Variants in LRRC37A observed in about 807,000 individuals in gnomAD.
The protein encoded by LRRC37A is leucine-rich repeat-containing protein 37A.
LRRC37A carries 3 observed loss-of-function variants against 35.4 expected under a neutral mutation model. The observed-to-expected ratio is 0.08, with a 90% CI of 0.04 to 0.22. The LOEUF is 0.22. Among genes scored for constraint, LRRC37A ranks in the 10% least tolerant of loss-of-function variants. LRRC37A has a pLI of 1.00. For synonymous variants in LRRC37A, 23 were observed against 215.0 expected (o/e 0.11, Z 7.81); for missense variants, 67 against 565.3 (o/e 0.12, Z 8.94).
chr17:46,267,107 C>A, the LRRC37A span: 1 of 410,982 alleles, frequency 2.4e-6, no homozygotes, highest in South Asian at 5.8e-5. Flanking sequence ...TTGCGCTTGC[C>A]GGGCGGGCAT....
chr17:46,261,886 T>C, the LRRC37A span, among the ~76,000 whole-genome samples: 1 of 152,184 alleles, frequency 6.6e-6, no homozygotes, highest in East Asian at 1.9e-4. Flanking sequence ...TAAAAATATT[T>C]TCCCCTTAAA....
At chr17:46,257,652 TAAAAAA>T in the LRRC37A span, among the ~76,000 whole-genome samples, 1 of 135,858 alleles carries the variant, frequency 7.4e-6, no homozygotes, top group Non-Finnish European at 1.6e-5. Flanking sequence ...TGTTTCTACT[TAAAAAA>T]AAAAAAAAAA....
At chr17:46,279,462 G>A in the LRRC37A span, among the ~76,000 whole-genome samples, 1 of 150,896 alleles carries the variant, frequency 6.6e-6, no homozygotes, top group African/African-American at 2.4e-5. Flanking sequence ...GGGATTACAG[G>A]CATGAGCCAC....
the LRRC37A span, among the ~76,000 whole-genome samples, chr17:46,263,684 G>A: frequency 2.5e-4 from 37 of 148,750 alleles, no homozygotes; most frequent in Middle Eastern, 6.9e-3. Context: ...GAGAAACCCC[G>A]TCTCTGCCAA....
chr17:46,291,969 C>CAA (rs59554870), upstream of LRRC37A, among the ~76,000 whole-genome samples: 13 of 58,084 alleles, frequency 2.2e-4, no homozygotes, highest in African/African-American at 7.9e-4. Context: ...TCTCAAAAAG[C>CAA]AAAAAAAAAA....
At chr17:46,267,602 CG>C in the LRRC37A span, 8 of 1,585,412 alleles carry the variant, frequency 5.0e-6, no homozygotes, top group Non-Finnish European at 6.9e-6. Flanking sequence ...GGCTGTGGGT[CG>C]TCCAGTCTTT....
chr17:46,267,301 C>T, the LRRC37A span: 8 of 1,345,928 alleles, frequency 5.9e-6, no homozygotes, highest in Non-Finnish European at 7.0e-6. Flanking sequence ...ACTGGGGTTC[C>T]CAAACTGTTT....
intron 10 of LRRC37A, among the ~76,000 whole-genome samples, chr17:46,332,878 G>A (rs1220798384): frequency 1.3e-5 from 2 of 151,188 alleles, no homozygotes; most frequent in African/African-American, 2.5e-5. Context: ...TTGAAACCAA[G>A]TGAATCCCAC....
chr17:46,256,290 T>C, the LRRC37A span, among the ~76,000 whole-genome samples: 1 of 151,852 alleles, frequency 6.6e-6, no homozygotes, highest in African/African-American at 2.4e-5. Flanking sequence ...GAGGCTGAGG[T>C]GGGAGAATCG....
chr17:46,274,540 G>A, the LRRC37A span, among the ~76,000 whole-genome samples: 162 of 152,290 alleles, frequency 1.1e-3, 1 homozygote, highest in Middle Eastern at 3.4e-3. Context: ...GTACTTTTAC[G>A]TACAGGAATC....
At chr17:46,254,938 C>G in the LRRC37A span, among the ~76,000 whole-genome samples, 3 of 151,690 alleles carry the variant, frequency 2.0e-5, no homozygotes, top group Non-Finnish European at 4.4e-5. Context: ...TGGGTTCAAG[C>G]GATTCTCCTG....
At chr17:46,253,323 C>G in the LRRC37A span, among the ~76,000 whole-genome samples, 1 of 151,348 alleles carries the variant, frequency 6.6e-6, no homozygotes, top group Non-Finnish European at 1.5e-5. Context: ...CAGGCAGAGA[C>G]GCTCCTCACT....
At chr17:46,266,522 T>G in the LRRC37A span, among the ~76,000 whole-genome samples, 2 of 152,092 alleles carry the variant, frequency 1.3e-5, no homozygotes, top group African/African-American at 2.4e-5. Context: ...AGGCTGCCCC[T>G]CATTAGCATG....
chr17:46,321,251 G>A (rs1229472772), intron 5 of LRRC37A, among the ~76,000 whole-genome samples: 1 of 70,086 alleles, frequency 1.4e-5, no homozygotes, highest in Non-Finnish European at 2.3e-5. Flanking sequence ...AGCTACTTGG[G>A]AGGCTAAGGC....
At chr17:46,289,494 G>GACTTAAA (rs1455443916), upstream of LRRC37A, among the ~76,000 whole-genome samples, 2 of 152,044 alleles carry the variant, frequency 1.3e-5, no homozygotes, top group African/African-American at 2.4e-5. Flanking sequence ...CTTAAAATCT[G>GACTTAAA]ACTTAAAATT....
At chr17:46,257,869 C>G in the LRRC37A span, among the ~76,000 whole-genome samples, 10 of 151,730 alleles carry the variant, frequency 6.6e-5, no homozygotes. Context: ...AAACAAAAAA[C>G]ATTTATTATA....
chr17:46,324,659 GATAT>G (rs1245431860), intron 7 of LRRC37A, among the ~76,000 whole-genome samples: 1 of 18,174 alleles, frequency 5.5e-5, no homozygotes, highest in African/African-American at 7.7e-5. Flanking sequence ...TTCTTTGCAG[GATAT>G]ATATATAGAT....
chr17:46,268,032 G>C, the LRRC37A span, among the ~76,000 whole-genome samples: 1 of 151,714 alleles, frequency 6.6e-6, no homozygotes, highest in African/African-American at 2.4e-5. Context: ...CTCCCAAGTA[G>C]CTGGGATTAC....
the LRRC37A span, chr17:46,267,544 T>A: frequency 6.2e-7 from 1 of 1,612,964 alleles, no homozygotes; most frequent in African/African-American, 1.3e-5. Flanking sequence ...TGAATGACGC[T>A]GCATATGTAC....
Sources: gnomAD v4.1 joint callset for allele counts (sites outside exome capture counted in the v4.1 genomes callset) on GRCh38, gnomAD v4.1.1 for gene constraint, MANE v1.5 for transcripts, NCBI Gene and HGNC (gene_info 2026-07-23, HGNC 2026-07-21) for gene names.